KIAA1958: variants seen among roughly 807,000 people sequenced by gnomAD.
KIAA1958 encodes KIAA1958.
In KIAA1958, 14 loss-of-function variants were observed where a neutral mutation model predicts 47.2. That is an observed-to-expected ratio of 0.30 (90% CI 0.20 to 0.46). The LOEUF (loss-of-function observed/expected upper bound fraction) is 0.46, where lower values mean the gene tolerates loss of function less well. Ranked by LOEUF, KIAA1958 falls within the 20% of genes least tolerant of loss-of-function variation. The probability of loss-of-function intolerance (pLI) is 1.00; values close to 1 mark genes in which losing one functional copy is unlikely to be tolerated. For missense variants in KIAA1958, 803 were observed against 909.2 expected (o/e 0.88, Z 1.50); for synonymous variants, 354 against 353.3 (o/e 1.00, Z -0.02).
chr9:112,618,284 C>T lies in KIAA1958; in HGVS notation c.1172-27366C>T. 2 of 1,550,952 alleles carry T rather than the reference C, an allele frequency of 1.3e-6. No homozygotes were observed. The highest frequency in any genetic ancestry group is 1.7e-6 in the Non-Finnish European group (2 of 1,147,064). Reference sequence around the variant, plus strand: ...CACCTTTGCTGACGAGCTCATCCTGCGGAAAAGGGGACTGCTAAGCCGATA... The same window carrying T: ...CACCTTTGCTGACGAGCTCATCCTGTGGAAAAGGGGACTGCTAAGCCGATA... On this transcript the variant is annotated intron_variant, in intron 2 of 3. Coordinates refer to ENST00000337530, the MANE Select transcript of KIAA1958 (RefSeq NM_133465.4). This position sits in a 1 kb window ranked among gnomAD's most constrained non-coding sequence, Gnocchi z 7.1.
Position 112,666,337 on chromosome 9 carries a change from CTG to C in KIAA1958, c.*6269_*6270del, listed in dbSNP as rs1244574092. ...ACAAAGCAATAGGTTATATGAAACT[CTG>C]AGATCATCTAGTCAAATTCCCCCAT... On this transcript the variant is annotated 3_prime_UTR_variant, in exon 4 of 4. Coordinates refer to ENST00000337530, the MANE Select transcript of KIAA1958 (RefSeq NM_133465.4). The C allele has an allele frequency of 6.6e-6, 1 of 151,998 alleles. No individual in the cohort carries two copies. The highest frequency in any genetic ancestry group is 1.5e-5 in the Non-Finnish European group (1 of 68,026). The allele number at this position is 151,998 out of a possible 1,614,324, so 9.4% of individuals were successfully genotyped here.
chr9:112,602,794 A>T (rs751483740), intron 2 of KIAA1958, among the ~76,000 whole-genome samples: 8 of 152,154 alleles, frequency 5.3e-5, no homozygotes, highest in Non-Finnish European at 1.0e-4. Context: ...GGTCCTAACA[A>T]AGAATAAGGT....
At chr9:112,581,262 T>C (rs892500759) in intron 2 of KIAA1958, among the ~76,000 whole-genome samples, 3 of 152,178 alleles carry the variant, frequency 2.0e-5, no homozygotes. Flanking sequence ...GGTAAAGCAC[T>C]AAAGAGAGTA....
intron 2 of KIAA1958, among the ~76,000 whole-genome samples, chr9:112,596,406 T>C (rs902443395): frequency 2.0e-5 from 3 of 152,206 alleles, no homozygotes; most frequent in Admixed American, 6.5e-5. Context: ...TTTAACACTT[T>C]GTATACTGTT....
chr9:112,637,097 C>T (rs1402581952), intron 2 of KIAA1958, among the ~76,000 whole-genome samples: 2 of 152,134 alleles, frequency 1.3e-5, no homozygotes, highest in Admixed American at 6.5e-5. Context: ...AATGCAAGAA[C>T]TTTTCAAAAC....
At chr9:112,499,485 T>C (rs921272742) in intron 1 of KIAA1958, among the ~76,000 whole-genome samples, 1 of 152,160 alleles carries the variant, frequency 6.6e-6, no homozygotes, top group Non-Finnish European at 1.5e-5. Flanking sequence ...ATTTTCCTTT[T>C]GAATTTTGTT....
intron 2 of KIAA1958, among the ~76,000 whole-genome samples, chr9:112,626,837 C>T (rs374494532): frequency 7.1e-6 from 1 of 140,170 alleles, no homozygotes; most frequent in Admixed American, 7.1e-5. Context: ...AAAAAAAAAA[C>T]ACCTTGCCAA....
chr9:112,637,628 G>A (rs1160390644), intron 2 of KIAA1958, among the ~76,000 whole-genome samples: 2 of 151,720 alleles, frequency 1.3e-5, no homozygotes, highest in Non-Finnish European at 2.9e-5. Context: ...TGCCCACCTC[G>A]GCCTCCCAAA....
At chr9:112,646,826 G>T (rs1209379027) in intron 3 of KIAA1958, among the ~76,000 whole-genome samples, 3 of 152,204 alleles carry the variant, frequency 2.0e-5, no homozygotes, top group African/African-American at 7.2e-5. Flanking sequence ...AAAAATCTTG[G>T]ACATGTGGAG....
intron 2 of KIAA1958, among the ~76,000 whole-genome samples, chr9:112,608,605 A>G (rs1353658931): frequency 2.6e-5 from 4 of 151,758 alleles, no homozygotes; most frequent in African/African-American, 4.8e-5. Flanking sequence ...CCTGGGCAAC[A>G]TGGCAAAACC....
chr9:112,648,384 C>T (rs1336050757), intron 3 of KIAA1958, among the ~76,000 whole-genome samples: 1 of 152,190 alleles, frequency 6.6e-6, no homozygotes, highest in Non-Finnish European at 1.5e-5. Flanking sequence ...AACTAGAGAG[C>T]TGCACAGCAA....
intron 1 of KIAA1958, among the ~76,000 whole-genome samples, chr9:112,508,457 A>G (rs558375886): frequency 1.3e-5 from 2 of 152,380 alleles, no homozygotes; most frequent in African/African-American, 4.8e-5. Flanking sequence ...ATTACAAATA[A>G]GCATATATTA....
intron 1 of KIAA1958, among the ~76,000 whole-genome samples, chr9:112,527,993 C>G (rs930305337): frequency 1.3e-5 from 2 of 151,726 alleles, no homozygotes; most frequent in East Asian, 3.9e-4. Flanking sequence ...ATTCAATACT[C>G]AGTAGTTGCC....
chr9:112,536,763 A>C (rs1326848225), intron 1 of KIAA1958, among the ~76,000 whole-genome samples: 1 of 152,162 alleles, frequency 6.6e-6, no homozygotes, highest in Non-Finnish European at 1.5e-5. Flanking sequence ...CCTGGGCAAC[A>C]GAGCAAGACC....
intron 2 of KIAA1958, among the ~76,000 whole-genome samples, chr9:112,606,056 CAGTT>C (rs2131204663): frequency 6.6e-6 from 1 of 152,312 alleles, no homozygotes; most frequent in African/African-American, 2.4e-5. Context: ...TGACATGTAT[CAGTT>C]ACTCAGTCAG....
chr9:112,488,040 C>G (rs530422690), intron 1 of KIAA1958, among the ~76,000 whole-genome samples: 2 of 152,048 alleles, frequency 1.3e-5, no homozygotes, highest in Admixed American at 1.3e-4. Flanking sequence ...ACGGAATCCT[C>G]TCCCGACGAA....
intron 2 of KIAA1958, among the ~76,000 whole-genome samples, chr9:112,616,624 ACAAT>A (rs1290266200): frequency 6.6e-6 from 1 of 152,230 alleles, no homozygotes; most frequent in Non-Finnish European, 1.5e-5. Context: ...TTGCCTCTCA[ACAAT>A]CAATAGCGTA....
rs150046185 is a variant in KIAA1958 at position 112,530,284 on chromosome 9, C to T, written c.-25+43166C>T. ...ATACTTTGGATTAGAACCCATACTA[C>T]TTTGTTGCTCAAATTGCTCTAGCTT... On this transcript the variant is annotated intron_variant, in intron 1 of 3. Transcript: ENST00000337530. Among the ~76,000 whole-genome samples, 22 of 152,312 alleles carry T rather than the reference C, an allele frequency of 1.4e-4. No individual in the cohort carries two copies. The East Asian group carries it at 4.2e-3, about 29-fold the overall frequency.
At chr9:112,628,249 T>C (rs1836652400) in intron 2 of KIAA1958, among the ~76,000 whole-genome samples, 1 of 152,152 alleles carries the variant, frequency 6.6e-6, no homozygotes, top group African/African-American at 2.4e-5. Context: ...TATAGAAACT[T>C]GTTGTGTGAC....
Sources: gnomAD v4.1 joint callset for allele counts (sites outside exome capture counted in the v4.1 genomes callset) on GRCh38, gnomAD v4.1.1 for gene constraint, Gnocchi (gnomAD v3.1) non-coding constraint, MANE v1.5 for transcripts, NCBI Gene and HGNC (gene_info 2026-07-23, HGNC 2026-07-21) for gene names.